MCTP1: variants seen among roughly 807,000 people sequenced by gnomAD.
MCTP1 encodes the protein multiple C2 and transmembrane domain-containing protein 1.
Under a neutral mutation model 120.6 loss-of-function variants are expected in MCTP1, and 69 were observed. The observed-to-expected ratio is 0.57, with a 90% CI of 0.47 to 0.70. MCTP1 has a LOEUF of 0.70. MCTP1 is among the 30% of genes least tolerant of loss of function. The probability of loss-of-function intolerance (pLI) is 0.00; values close to 1 mark genes in which losing one functional copy is unlikely to be tolerated. For synonymous variants in MCTP1, 529 were observed against 493.1 expected (o/e 1.07, Z -0.96); for missense variants, 1,203 against 1,248.8 (o/e 0.96, Z 0.55).
intron 1 of MCTP1, among the ~76,000 whole-genome samples, chr5:95,078,466 C>A (rs1418217529): frequency 6.6e-6 from 1 of 152,160 alleles, no homozygotes. Flanking sequence ...TATGTATGCT[C>A]ATTCCAGACA....
chr5:94,935,130 GTA>G (rs1018828014), intron 5 of MCTP1, among the ~76,000 whole-genome samples: 2 of 151,416 alleles, frequency 1.3e-5, no homozygotes, highest in Non-Finnish European at 3.0e-5. Context: ...AACTTAAAAT[GTA>G]TATATATATA....
At chr5:94,836,108 A>G (rs1397898583) in intron 17 of MCTP1, among the ~76,000 whole-genome samples, 1 of 132,464 alleles carries the variant, frequency 7.5e-6, no homozygotes, top group Admixed American at 9.2e-5. Flanking sequence ...TGAACCCAGG[A>G]GGCGGAGGTT....
At position 94,773,990 on chromosome 5, in the gene MCTP1, C is replaced by T. The variant is rs1474770307; in HGVS notation, c.2610+5120G>A. 5.1e-5 allele frequency among the ~76,000 whole-genome samples: 2 copies of T among 39,524 alleles called. 1 individual carries two copies. Among genetic ancestry groups the T allele is most frequent in the African/African-American group, 2.7e-4 (2 of 7,384 alleles). The allele number at this position is 39,524 out of a possible 152,430, so 25.9% of individuals were successfully genotyped here. A position where few individuals can be genotyped will look rare whatever the true frequency, so the allele number is the denominator to read the frequency against. On this transcript the variant is annotated intron_variant, in intron 19 of 22. Coordinates refer to ENST00000515393, the MANE Select transcript of MCTP1 (RefSeq NM_024717.7). ...TTGGGAGGCCGAGGCGGGCGGATCA[C>T]GAGGTCAGGAGATCGAGACCATCCC... is the stretch of plus-strand genomic sequence containing the variant.
intron 1 of MCTP1, among the ~76,000 whole-genome samples, chr5:95,208,092 T>C (rs960340210): frequency 1.3e-5 from 2 of 152,074 alleles, no homozygotes; most frequent in East Asian, 1.9e-4. Context: ...TACCCTGTTG[T>C]TGTTGTTGTT....
chr5:95,068,516 C>A (rs914473643), intron 1 of MCTP1, among the ~76,000 whole-genome samples: 1 of 152,174 alleles, frequency 6.6e-6, no homozygotes, highest in Admixed American at 6.5e-5. Context: ...TGTGAAGATA[C>A]CTTGCAGCTT....
chr5:95,036,724 T>C (rs1841371561), intron 1 of MCTP1, among the ~76,000 whole-genome samples: 2 of 152,224 alleles, frequency 1.3e-5, no homozygotes, highest in East Asian at 3.8e-4. Flanking sequence ...AAAAAGAATG[T>C]GAAAAATATC....
chr5:94,753,290 C>T (rs1039955222), intron 19 of MCTP1, among the ~76,000 whole-genome samples: 1 of 152,182 alleles, frequency 6.6e-6, no homozygotes, highest in African/African-American at 2.4e-5. Context: ...TTCTAGGAAA[C>T]ACCTTTTCTC....
At chr5:94,921,374 A>G (rs1811615883) in intron 7 of MCTP1, among the ~76,000 whole-genome samples, 1 of 152,230 alleles carries the variant, frequency 6.6e-6, no homozygotes, top group Admixed American at 6.5e-5. Flanking sequence ...CTGATGTTCC[A>G]GCTGAGCAAG....
intron 11 of MCTP1, among the ~76,000 whole-genome samples, chr5:94,890,741 C>G (rs1802397581): frequency 6.6e-6 from 1 of 152,004 alleles, no homozygotes; most frequent in African/African-American, 2.4e-5. Flanking sequence ...AGAGGGAAAC[C>G]AATACAATAA....
chr5:94,991,391 G>C (rs1479145578), intron 2 of MCTP1, among the ~76,000 whole-genome samples: 1 of 152,100 alleles, frequency 6.6e-6, no homozygotes, highest in Non-Finnish European at 1.5e-5. Flanking sequence ...TTGAATCAGA[G>C]CAGTGAAACT....
At chr5:94,857,941 GAT>G (rs1795009264) in intron 17 of MCTP1, among the ~76,000 whole-genome samples, 1 of 151,612 alleles carries the variant, frequency 6.6e-6, no homozygotes, top group Non-Finnish European at 1.5e-5. Flanking sequence ...GAATAATTTG[GAT>G]CCATATAATT....
rs1270505105 is a variant in MCTP1, at chr5:95,130,088, C to T, written c.721-112604G>A. Among the ~76,000 whole-genome samples, 4 of 152,202 alleles carry T rather than the reference C, an allele frequency of 2.6e-5. No homozygotes were observed. In the East Asian group the frequency reaches 7.7e-4, roughly 29 times the overall value. On this transcript the variant is annotated intron_variant, in intron 1 of 22. Coordinates refer to ENST00000515393, the MANE Select transcript of MCTP1 (RefSeq NM_024717.7). ...GATTTACACCAGTATCACCCCCTGT[C>T]CCCCAGCTTCTCGGACCTTAGAAAT...
At chr5:94,966,701 A>C (rs1825686411) in intron 2 of MCTP1, among the ~76,000 whole-genome samples, 1 of 151,988 alleles carries the variant, frequency 6.6e-6, no homozygotes. Flanking sequence ...AGGCTGAGGC[A>C]GGAGAATGGC....
intron 5 of MCTP1, among the ~76,000 whole-genome samples, chr5:94,937,143 G>T (rs1407144933): frequency 6.6e-6 from 1 of 152,086 alleles, no homozygotes; most frequent in Admixed American, 6.6e-5. Flanking sequence ...CTCTGATGAA[G>T]AAAGAAGCCA....
intron 2 of MCTP1, among the ~76,000 whole-genome samples, chr5:95,013,464 A>T (rs1836437763): frequency 6.6e-6 from 1 of 152,156 alleles, no homozygotes; most frequent in Non-Finnish European, 1.5e-5. Context: ...GCTTCAAAGA[A>T]CAAGCTGACT....
chr5:94,892,073 G>C (rs1802792999), intron 11 of MCTP1, among the ~76,000 whole-genome samples: 2 of 152,088 alleles, frequency 1.3e-5, no homozygotes, highest in Admixed American at 6.5e-5. Flanking sequence ...TCTCAGTTCA[G>C]CTCTATTACG....
At chr5:94,862,214 G>A (rs1795945099) in intron 17 of MCTP1, among the ~76,000 whole-genome samples, 1 of 151,740 alleles carries the variant, frequency 6.6e-6, no homozygotes, top group South Asian at 2.1e-4. Flanking sequence ...AGCGATCATA[G>A]GAAACATGAG....
Position 94,894,734 on chromosome 5 carries a change from G to C in MCTP1, c.1754C>G (p.Thr585Arg). The C allele has an allele frequency of 6.2e-7, 1 of 1,613,884 alleles. No individual in the cohort carries two copies. The highest frequency in any genetic ancestry group is 8.5e-7 in the Non-Finnish European group (1 of 1,179,818). ...EGHLVLLVTL[T>R]ASATVSISDL... ...AGAGATGCTGACTGTGGCTGATGCT[G>C]TCAGAGTGACCAGCAGCACCAGGTG... Residue 585 changes from threonine to arginine, a missense_variant, in exon 11 of 23, where the codon ACA becomes AGA. Physicochemically the swap from Thr to Arg is moderately conservative, Grantham distance 71. Around this residue, in one of 2 missense-constraint regions of MCTP1, gnomAD observed 740 missense variants for 871.1 expected, o/e 0.85. Coordinates refer to ENST00000515393, the MANE Select transcript of MCTP1 (RefSeq NM_024717.7).
At chr5:95,240,393 G>A (rs186326099) in intron 1 of MCTP1, among the ~76,000 whole-genome samples, 78 of 152,326 alleles carry the variant, frequency 5.1e-4, no homozygotes, top group Non-Finnish European at 9.0e-4. Flanking sequence ...TCACACGCAA[G>A]TTCAGGGATG....
Sources: allele counts gnomAD v4.1 joint callset (sites outside exome capture counted in the v4.1 genomes callset), GRCh38; gene constraint gnomAD v4.1.1; regional missense constraint gnomAD v4.1.1; transcripts MANE v1.5; gene names NCBI Gene and HGNC (gene_info 2026-07-23, HGNC 2026-07-21).